NRXN1: variants seen among roughly 807,000 people sequenced by gnomAD.
NRXN1 encodes the protein neurexin 1.
In NRXN1, 39 loss-of-function variants were observed where a neutral mutation model predicts 150.9. The observed-to-expected ratio is 0.26, with a 90% CI of 0.20 to 0.34. The LOEUF is 0.34. NRXN1 is among the 10% of genes least tolerant of loss of function. NRXN1 has a pLI of 1.00. For missense variants in NRXN1, 1,815 were observed against 1,949.9 expected (o/e 0.93, Z 1.30); for synonymous variants, 924 against 757.0 (o/e 1.22, Z -3.62).
At chr2:49,992,104 A>G (rs1682066469) in intron 21 of NRXN1, among the ~76,000 whole-genome samples, 1 of 152,202 alleles carries the variant, frequency 6.6e-6, no homozygotes, top group African/African-American at 2.4e-5. Flanking sequence ...TAAGTGTAAA[A>G]TGAAAAACCA....
intron 5 of NRXN1, among the ~76,000 whole-genome samples, chr2:50,633,155 A>G (rs1379669665): frequency 6.6e-6 from 1 of 152,124 alleles, no homozygotes; most frequent in Non-Finnish European, 1.5e-5. Flanking sequence ...ACTGAAAACT[A>G]TCATGCATTC....
chr2:50,020,397 A>T (rs529203507), intron 21 of NRXN1, among the ~76,000 whole-genome samples: 1 of 152,356 alleles, frequency 6.6e-6, no homozygotes, highest in South Asian at 2.1e-4. Flanking sequence ...AAGTGAGCTT[A>T]TGAAACATTC....
chr2:50,894,145 C>T (rs202042571), intron 5 of NRXN1, among the ~76,000 whole-genome samples: 11 of 151,630 alleles, frequency 7.3e-5, no homozygotes, highest in East Asian at 1.9e-4. Flanking sequence ...TGCTAGATGA[C>T]GAGTTAGTGG....
At chr2:50,574,973 T>G (rs923888095) in intron 8 of NRXN1, among the ~76,000 whole-genome samples, 1 of 152,184 alleles carries the variant, frequency 6.6e-6, no homozygotes, top group African/African-American at 2.4e-5. Context: ...TGCACTAATA[T>G]GCTCTCAGAG....
chr2:50,804,122 T>G (rs561490235), intron 5 of NRXN1, among the ~76,000 whole-genome samples: 1 of 152,318 alleles, frequency 6.6e-6, no homozygotes, highest in Admixed American at 6.5e-5. Flanking sequence ...AAACAGCGAA[T>G]CAGTTCTCGA....
intron 18 of NRXN1, among the ~76,000 whole-genome samples, chr2:50,184,255 C>G (rs779430066): frequency 1.3e-5 from 2 of 151,960 alleles, no homozygotes; most frequent in Non-Finnish European, 2.9e-5. Flanking sequence ...ATCTCTAGAT[C>G]ACACATTCCT....
At chr2:50,075,323 C>T (rs1207726859) in intron 19 of NRXN1, among the ~76,000 whole-genome samples, 1 of 152,026 alleles carries the variant, frequency 6.6e-6, no homozygotes, top group East Asian at 1.9e-4. Flanking sequence ...TGGCTGCACA[C>T]CAGATGGATT....
At chr2:50,617,274 T>C (rs1211414209) in intron 8 of NRXN1, among the ~76,000 whole-genome samples, 2 of 151,924 alleles carry the variant, frequency 1.3e-5, no homozygotes, top group African/African-American at 4.8e-5. Context: ...GTCACTACTA[T>C]AAATACAAAA....
At chr2:50,114,538 C>T (rs1407182196) in intron 18 of NRXN1, among the ~76,000 whole-genome samples, 1 of 152,124 alleles carries the variant, frequency 6.6e-6, no homozygotes, top group Non-Finnish European at 1.5e-5. Flanking sequence ...AATTTATGTC[C>T]ACACAATAAT....
At chr2:50,572,742 A>G (rs1670844078) in intron 8 of NRXN1, among the ~76,000 whole-genome samples, 1 of 152,232 alleles carries the variant, frequency 6.6e-6, no homozygotes, top group African/African-American at 2.4e-5. Flanking sequence ...CGAAAAGGCC[A>G]GAGAATTAGA....
chr2:50,437,234 A>G (rs75884970), intron 17 of NRXN1, among the ~76,000 whole-genome samples: 2,052 of 152,320 alleles, frequency 0.013, 48 homozygotes, highest in African/African-American at 0.046. Context: ...ACCTGCTCAA[A>G]TCAATATTTA....
intron 2 of NRXN1, among the ~76,000 whole-genome samples, chr2:51,006,409 G>A (rs528804618): frequency 4.0e-5 from 6 of 151,818 alleles, no homozygotes; most frequent in South Asian, 4.2e-4. Flanking sequence ...GTGGGGGAAG[G>A]GGGGAGGGAT....
At chr2:50,379,959 T>A (rs953005640) in intron 17 of NRXN1, among the ~76,000 whole-genome samples, 1 of 151,996 alleles carries the variant, frequency 6.6e-6, no homozygotes, top group African/African-American at 2.4e-5. Flanking sequence ...ATTATAACAA[T>A]CCTGATCACA....
chr2:50,804,853 A>G (rs1019341449), intron 5 of NRXN1, among the ~76,000 whole-genome samples: 2 of 152,268 alleles, frequency 1.3e-5, no homozygotes, highest in African/African-American at 2.4e-5. Flanking sequence ...CCTTCTCCCA[A>G]TATACTTTTA....
rs370767299 is a variant in NRXN1, at chr2:50,774,326, C to T, written c.832+147543G>A. ...AGCAACTCAAATGAAATGGTCTAAT[C>T]ATAAAATTAAACACATTACAGATGA... On this transcript the variant is annotated intron_variant, in intron 5 of 22. Transcript: ENST00000401669. 5.3e-5 allele frequency among the ~76,000 whole-genome samples: 8 copies of T among 152,198 alleles called. No homozygotes were observed. The East Asian group carries it at 1.6e-3, about 30-fold the overall frequency.
chr2:50,458,925 C>T (rs905091314), intron 17 of NRXN1, among the ~76,000 whole-genome samples: 1 of 152,006 alleles, frequency 6.6e-6, no homozygotes, highest in Non-Finnish European at 1.5e-5. Flanking sequence ...CTTCTTTTTA[C>T]ATTTAAAGTA....
chr2:49,987,830 A>T (rs1321776669), intron 21 of NRXN1, among the ~76,000 whole-genome samples: 3 of 151,638 alleles, frequency 2.0e-5, no homozygotes, highest in Admixed American at 2.0e-4. Context: ...ATTATTATAC[A>T]TTTTTTTCCT....
At chr2:50,061,764 C>T (rs1367402285) in intron 19 of NRXN1, among the ~76,000 whole-genome samples, 1 of 152,116 alleles carries the variant, frequency 6.6e-6, no homozygotes, top group Non-Finnish European at 1.5e-5. Context: ...TAGGATTTTC[C>T]TTTGATTTCT....
At chr2:50,152,803 C>G (rs1012542840) in intron 18 of NRXN1, among the ~76,000 whole-genome samples, 2 of 151,632 alleles carry the variant, frequency 1.3e-5, no homozygotes, top group Non-Finnish European at 3.0e-5. Context: ...AGTGGTTTCC[C>G]TTTGAATTCA....
Sources: allele counts gnomAD v4.1 joint callset (sites outside exome capture counted in the v4.1 genomes callset), GRCh38; gene constraint gnomAD v4.1.1; transcripts MANE v1.5; gene names NCBI Gene and HGNC (gene_info 2026-07-23, HGNC 2026-07-21).